Variants in CALCR observed in about 807,000 individuals in gnomAD.
CALCR encodes calcitonin receptor.
A neutral mutation model predicts 59.5 loss-of-function variants in CALCR; 47 were observed. That is an observed-to-expected ratio of 0.79 (90% CI 0.63 to 1.01). CALCR has a LOEUF of 1.01. CALCR is among the 50% of genes least tolerant of loss of function. CALCR has a pLI of 0.00. For missense variants in CALCR, 566 were observed against 597.1 expected, an observed-to-expected ratio of 0.95 and a Z score of 0.54; for synonymous variants, 213 against 211.3, an observed-to-expected ratio of 1.01 and a Z score of -0.07.
At chr7:93,554,396 C>T (rs1459195018) in intron 2 of CALCR, among the ~76,000 whole-genome samples, 1 of 152,070 alleles carries the variant, frequency 6.6e-6, no homozygotes, top group Non-Finnish European at 1.5e-5. Flanking sequence ...AACCACCTTA[C>T]ATATGCAAAT....
chr7:93,465,992 C>T (rs1213930164), intron 7 of CALCR, among the ~76,000 whole-genome samples: 1 of 151,658 alleles, frequency 6.6e-6, no homozygotes, highest in Non-Finnish European at 1.5e-5. Flanking sequence ...TTATGAGACA[C>T]ATTTGAGGAG....
At chr7:93,541,979 A>C (rs2116186715) in intron 2 of CALCR, among the ~76,000 whole-genome samples, 1 of 152,306 alleles carries the variant, frequency 6.6e-6, no homozygotes, top group East Asian at 1.9e-4. Context: ...TGATTACATA[A>C]AATTTGGAAA....
chr7:93,424,857 C>A lies in CALCR; in HGVS notation c.*1499G>T, dbSNP rs1194312209. The A allele has an allele frequency of 6.6e-6, 1 of 152,510 alleles. No homozygotes were observed. The highest frequency in any genetic ancestry group is 1.5e-5 in the Non-Finnish European group (1 of 67,984). 9.4% of individuals were successfully genotyped at this position (152,510 alleles called of 1,614,324 possible). A position where few individuals can be genotyped will look rare whatever the true frequency, so the allele number is the denominator to read the frequency against. On this transcript the variant is annotated 3_prime_UTR_variant, in exon 14 of 14. Transcript: ENST00000426151. ...GGAGACTTAAACTACTTTAGTATCC[C>A]AAATTCATTTTCTCTGTAGAAATAT...
chr7:93,484,561 A>G (rs896924026), intron 3 of CALCR, among the ~76,000 whole-genome samples: 5 of 151,770 alleles, frequency 3.3e-5, no homozygotes, highest in African/African-American at 1.2e-4. Flanking sequence ...TTACTTACAC[A>G]TTTCAAAATA....
chr7:93,495,858 G>A, intron 2 of CALCR: 2 of 1,493,970 alleles, frequency 1.3e-6, no homozygotes, highest in South Asian at 2.5e-5. Flanking sequence ...GTTACTGGTG[G>A]GACAACCGAA....
At position 93,443,709 on chromosome 7, in the gene CALCR, T is replaced by G. The variant is rs1414916938; in HGVS notation, c.697A>C (p.Asn233His). The change falls in exon 9 of 14, where the codon AAC (asparagine) becomes CAC (histidine). Residue 233 changes from asparagine to histidine, a missense_variant. Asn to His is a moderately conservative substitution (Grantham distance 68). Transcript: ENST00000426151. Reference sequence around the variant, plus strand: ...CCTTCACAGAGCATCCAGAAATAGTTGCAGGCCATCATGTACTGGTGGAAA... The same window carrying G: ...CCTTCACAGAGCATCCAGAAATAGTGGCAGGCCATCATGTACTGGTGGAAA... Reference protein sequence around the residue: ...HFFHQYMMACNYFWMLCEGIY... With the variant: ...HFFHQYMMACHYFWMLCEGIY... The G allele has an allele frequency of 6.2e-7, 1 of 1,613,212 alleles. No homozygotes were observed. The highest frequency in any genetic ancestry group is 2.2e-5 in the East Asian group (1 of 44,864).
intron 2 of CALCR, among the ~76,000 whole-genome samples, chr7:93,526,582 G>T (rs1328323881): frequency 6.6e-6 from 1 of 152,016 alleles, no homozygotes; most frequent in Non-Finnish European, 1.5e-5. Context: ...TGGTCATAAA[G>T]AATGTTAATA....
chr7:93,441,977 G>T (rs894066763), intron 9 of CALCR, among the ~76,000 whole-genome samples: 1 of 152,114 alleles, frequency 6.6e-6, no homozygotes, highest in Non-Finnish European at 1.5e-5. Context: ...TGGGCATTTA[G>T]TTTCTGTGAG....
intron 7 of CALCR, among the ~76,000 whole-genome samples, chr7:93,463,706 A>C (rs1208600829): frequency 6.6e-6 from 1 of 152,008 alleles, no homozygotes; most frequent in Non-Finnish European, 1.5e-5. Context: ...GTGGGATGCT[A>C]GAGAGAATTA....
intron 2 of CALCR, among the ~76,000 whole-genome samples, chr7:93,489,926 T>C (rs1801036611): frequency 6.6e-6 from 1 of 151,976 alleles, no homozygotes; most frequent in Non-Finnish European, 1.5e-5. Context: ...AGCATCATCC[T>C]GATACCAAAT....
At chr7:93,529,701 C>A (rs1788781083) in intron 2 of CALCR, among the ~76,000 whole-genome samples, 1 of 151,796 alleles carries the variant, frequency 6.6e-6, no homozygotes, top group South Asian at 2.1e-4. Flanking sequence ...AATATTGGGT[C>A]AAGGCACAGT....
intron 7 of CALCR, among the ~76,000 whole-genome samples, chr7:93,462,938 C>A (rs1800368134): frequency 1.3e-5 from 2 of 151,934 alleles, no homozygotes; most frequent in African/African-American, 4.8e-5. Context: ...AATGAAAGTG[C>A]TAAAGGAATT....
intron 8 of CALCR, among the ~76,000 whole-genome samples, chr7:93,444,362 C>T (rs912797640): frequency 3.3e-5 from 5 of 152,090 alleles, no homozygotes; most frequent in African/African-American, 1.2e-4. Context: ...GAACTCAATG[C>T]AGACGTAGGA....
chr7:93,555,547 C>T (rs891941295), intron 2 of CALCR, among the ~76,000 whole-genome samples: 6 of 152,056 alleles, frequency 3.9e-5, no homozygotes, highest in African/African-American at 1.4e-4. Flanking sequence ...ACAACAAAAA[C>T]CCTAAGCATT....
At chr7:93,454,500 T>G (rs1800168744) in intron 8 of CALCR, among the ~76,000 whole-genome samples, 1 of 152,016 alleles carries the variant, frequency 6.6e-6, no homozygotes, top group African/African-American at 2.4e-5. Flanking sequence ...AGAGAGAAAT[T>G]TATTTCTAAA....
chr7:93,481,948 G>A (rs1170499699), intron 3 of CALCR, among the ~76,000 whole-genome samples: 1 of 151,860 alleles, frequency 6.6e-6, no homozygotes, highest in African/African-American at 2.4e-5. Context: ...TGTGCCAGAT[G>A]CTGAGGATAC....
At chr7:93,547,879 T>C (rs1015411862) in intron 2 of CALCR, among the ~76,000 whole-genome samples, 3 of 152,050 alleles carry the variant, frequency 2.0e-5, no homozygotes, top group Non-Finnish European at 2.9e-5. Context: ...AGTTTGCCCC[T>C]AAAAAAGGAG....
At chr7:93,449,088 A>C (rs2188805) in intron 8 of CALCR, among the ~76,000 whole-genome samples, 53,588 of 151,904 alleles carry the variant, frequency 0.35, 10,032 homozygotes, top group African/African-American at 0.45. Context: ...AATACTTTGC[A>C]CTGAATCAAA....
intron 2 of CALCR, among the ~76,000 whole-genome samples, chr7:93,543,664 TAC>T (rs35530715): frequency 0.38 from 57,160 of 150,874 alleles, 11,870 homozygotes; most frequent in Non-Finnish European, 0.48. Flanking sequence ...TATATATATA[TAC>T]ACACACACAC....
Sources: allele counts gnomAD v4.1 joint callset (sites outside exome capture counted in the v4.1 genomes callset), GRCh38; gene constraint gnomAD v4.1.1; transcripts MANE v1.5; gene names NCBI Gene and HGNC (gene_info 2026-07-23, HGNC 2026-07-21).